SMARCAL1: variants seen among roughly 807,000 people sequenced by gnomAD.
SMARCAL1 encodes the protein ATP-driven annealing helicase.
A neutral mutation model predicts 94.5 loss-of-function variants in SMARCAL1; 58 were observed. That is an observed-to-expected ratio of 0.61 (90% CI 0.50 to 0.76). The LOEUF is 0.76. SMARCAL1 is among the 30% of genes least tolerant of loss of function. SMARCAL1 has a pLI of 0.00. For missense variants in SMARCAL1, 1,051 were observed against 1,177.9 expected (o/e 0.89, Z 1.58); for synonymous variants, 422 against 455.1 (o/e 0.93, Z 0.93).
At chr2:216,434,236 G>T (rs1238761362) in intron 8 of SMARCAL1, among the ~76,000 whole-genome samples, 1 of 152,104 alleles carries the variant, frequency 6.6e-6, no homozygotes, top group East Asian at 1.9e-4. Context: ...TTAGAGAAAA[G>T]GCCAGCCCTC....
chr2:216,421,230 C>T (rs1693713314), intron 5 of SMARCAL1, among the ~76,000 whole-genome samples: 1 of 152,088 alleles, frequency 6.6e-6, no homozygotes, highest in South Asian at 2.1e-4. Context: ...TTTTTTTAAT[C>T]TTCCGATAAG....
At position 216,482,323 on chromosome 2, in the gene SMARCAL1, A is replaced by G. The variant is rs916467222; in HGVS notation, c.2626-415A>G. 6.6e-6 allele frequency among the ~76,000 whole-genome samples: 1 copy of G among 152,148 alleles called. No homozygotes were observed. The highest frequency in any genetic ancestry group is 2.4e-5 in the African/African-American group (1 of 41,444). ...TATAAAAATAAAAATAAATTTAAAA[A>G]TAGAGATTTAGAAGTTGAATTATAC... On this transcript the variant is annotated intron_variant, in intron 17 of 17. Coordinates refer to ENST00000357276, the MANE Select transcript of SMARCAL1 (RefSeq NM_014140.4). The surrounding 1 kb of genome is among the most constrained non-coding windows in gnomAD (Gnocchi z 4.3).
rs1213884759 is a variant in SMARCAL1, at chr2:216,420,512, A to G, written c.1076A>G (p.Gln359Arg). The G allele has an allele frequency of 6.2e-7, 1 of 1,613,864 alleles. No homozygotes were observed. Among genetic ancestry groups the G allele is most frequent in the Non-Finnish European group, 8.5e-7 (1 of 1,179,704 alleles). ...CAGGACCTTATTGCGCTTTTTAAAC[A>G]GATGGATTCCAGAAGATATGGCAAG... ...YSQDLIALFK[Q>R]MDSRRYDVKT... Residue 359 changes from glutamine (Q) to arginine (R), a missense_variant, in exon 5 of 18, where the codon CAG becomes CGG. Gln to Arg is a conservative substitution (Grantham distance 43). Around this residue, in one of 3 missense-constraint regions of SMARCAL1, gnomAD observed 642 missense variants for 754.7 expected, o/e 0.85. Transcript: ENST00000357276.
chr2:216,456,499 G>A (rs563881212), intron 12 of SMARCAL1, among the ~76,000 whole-genome samples: 7 of 152,160 alleles, frequency 4.6e-5, no homozygotes, highest in Admixed American at 6.5e-5. Flanking sequence ...TTGATCTCTC[G>A]GCAGAAACTC....
chr2:216,414,946 A>G lies in SMARCAL1; in HGVS notation c.242A>G (p.Asn81Ser), dbSNP rs1693554227. The G allele has an allele frequency of 6.2e-7, 1 of 1,614,106 alleles. No homozygotes were observed. The highest frequency in any genetic ancestry group is 1.7e-5 in the Admixed American group (1 of 60,004). ...CAACAGAATCTCAGTAGCTCATCTA[A>G]TGCTGACCAAAGACCTCATGATTCC... Reference protein sequence around the residue: ...FKQQNLSSSSNADQRPHDSHS... With the variant: ...FKQQNLSSSSSADQRPHDSHS... Residue 81 changes from asparagine to serine, a missense_variant, in exon 3 of 18, where the codon AAT becomes AGT. Coordinates refer to ENST00000357276, the MANE Select transcript of SMARCAL1 (RefSeq NM_014140.4).
chr2:216,482,801 A>G lies in SMARCAL1; in HGVS notation c.2689A>G (p.Met897Val), dbSNP rs962399655. The G allele has an allele frequency of 6.2e-7, 1 of 1,614,192 alleles. No individual in the cohort carries two copies. Among genetic ancestry groups the G allele is most frequent in the Non-Finnish European group, 8.5e-7 (1 of 1,180,012 alleles). Residue 897 changes from methionine to valine, a missense_variant, in exon 18 of 18, where the codon ATG becomes GTG. Met to Val is a conservative substitution (Grantham distance 21). Coordinates refer to ENST00000357276, the MANE Select transcript of SMARCAL1 (RefSeq NM_014140.4). This position sits in a 1 kb window ranked among gnomAD's most constrained non-coding sequence, Gnocchi z 4.3. ...GTCCTTTGAGAAAGAAGGAAGTGAT[A>G]TGGAGCTCCTGGAAGCAGCAGAGTC... ...QKSFEKEGSDMELLEAAESFD... is the reference protein window; with the variant it reads ...QKSFEKEGSDVELLEAAESFD...
intron 5 of SMARCAL1, among the ~76,000 whole-genome samples, chr2:216,420,844 A>G (rs1693704820): frequency 6.6e-6 from 1 of 152,198 alleles, no homozygotes; most frequent in Non-Finnish European, 1.5e-5. Context: ...TGGCCTTTGC[A>G]GAGCAGAAAA....
chr2:216,468,451 C>G (rs284531), intron 14 of SMARCAL1, among the ~76,000 whole-genome samples: 109,352 of 152,144 alleles, frequency 0.72, 39,791 homozygotes, highest in African/African-American at 0.84. Flanking sequence ...TTTATTAATT[C>G]CACATGGCAG....
chr2:216,446,403 TTAGTA>T (rs1694315488), intron 10 of SMARCAL1, among the ~76,000 whole-genome samples: 1 of 152,182 alleles, frequency 6.6e-6, no homozygotes, highest in Non-Finnish European at 1.5e-5. Context: ...TGAAGCTGAG[TTAGTA>T]AAGGCCTTAT....
chr2:216,417,707 T>C (rs1693630824), intron 4 of SMARCAL1, among the ~76,000 whole-genome samples: 2 of 152,210 alleles, frequency 1.3e-5, no homozygotes, highest in African/African-American at 4.8e-5. Context: ...GAGGGCTCAT[T>C]TTTTAATCGA....
At chr2:216,479,053 T>G (rs1809496) in intron 17 of SMARCAL1, 110,257 of 152,452 alleles carry the variant, frequency 0.72, 40,457 homozygotes, top group African/African-American at 0.85. Flanking sequence ...CACAGTGGAG[T>G]GAGCAAGAGA....
At chr2:216,467,492 A>G (rs1330014429) in intron 13 of SMARCAL1, among the ~76,000 whole-genome samples, 21 of 149,670 alleles carry the variant, frequency 1.4e-4, no homozygotes, top group East Asian at 3.9e-4. Flanking sequence ...AAAAAAAAAA[A>G]GGGTGGGAAG....
intron 6 of SMARCAL1, among the ~76,000 whole-genome samples, chr2:216,425,363 C>A (rs755825411): frequency 6.6e-6 from 1 of 152,194 alleles, no homozygotes; most frequent in Non-Finnish European, 1.5e-5. Flanking sequence ...TGGGCACCAG[C>A]GGCTGGATGA....
chr2:216,469,876 C>T (rs1198572639), intron 14 of SMARCAL1, among the ~76,000 whole-genome samples: 1 of 152,118 alleles, frequency 6.6e-6, no homozygotes, highest in Non-Finnish European at 1.5e-5. Flanking sequence ...TTCTGTGTGC[C>T]CATTAACACT....
At chr2:216,447,839 A>C (rs1248699961) in intron 11 of SMARCAL1, among the ~76,000 whole-genome samples, 2 of 152,140 alleles carry the variant, frequency 1.3e-5, no homozygotes, top group African/African-American at 4.8e-5. Flanking sequence ...ACACCAATGC[A>C]TTGCCATGGA....
At chr2:216,424,201 C>T (rs1574450449) in intron 6 of SMARCAL1, among the ~76,000 whole-genome samples, 1 of 152,092 alleles carries the variant, frequency 6.6e-6, no homozygotes, top group Middle Eastern at 3.4e-3. Flanking sequence ...TACAGACTGA[C>T]CAAGGAAAAG....
chr2:216,457,254 C>G (rs916843118), intron 12 of SMARCAL1, among the ~76,000 whole-genome samples: 1 of 152,076 alleles, frequency 6.6e-6, no homozygotes, highest in Non-Finnish European at 1.5e-5. Flanking sequence ...ACTTTAACAC[C>G]CCACTGTCAA....
intron 3 of SMARCAL1, chr2:216,416,051 G>A: frequency 1.9e-6 from 1 of 536,708 alleles, no homozygotes; most frequent in Non-Finnish European, 3.4e-6. Flanking sequence ...AACTTCCCAG[G>A]GCCTGAGTTG....
At chr2:216,414,495 C>T in intron 2 of SMARCAL1, 152 bp from the exon 3 acceptor site, 2 of 584,418 alleles carry the variant, frequency 3.4e-6, no homozygotes, top group Non-Finnish European at 6.1e-6. Context: ...CCTACTATTT[C>T]AGTGTGTGTG....
Sources: allele counts gnomAD v4.1 joint callset (sites outside exome capture counted in the v4.1 genomes callset), GRCh38; gene constraint gnomAD v4.1.1; regional missense constraint gnomAD v4.1.1; non-coding constraint Gnocchi (gnomAD v3.1); transcripts MANE v1.5; gene names NCBI Gene and HGNC (gene_info 2026-07-23, HGNC 2026-07-21).